The following GPC6 variants were observed in gnomAD, a reference collection of about 807,000 sequenced individuals.
GPC6 encodes the protein glypican-6.
In GPC6, 14 loss-of-function variants were observed where a neutral mutation model predicts 55.2. The ratio of observed to expected loss-of-function variants is 0.25; its 90% CI spans 0.17 to 0.40. GPC6 has a LOEUF of 0.40. Among genes scored for constraint, GPC6 ranks in the 10% least tolerant of loss-of-function variants. GPC6 has a pLI of 1.00. For missense variants in GPC6, 641 were observed against 708.5 expected (o/e 0.90, Z 1.08); for synonymous variants, 278 against 259.6 (o/e 1.07, Z -0.68).
chr13:94,020,909 A>T (rs950384873), intron 3 of GPC6, among the ~76,000 whole-genome samples: 25 of 152,178 alleles, frequency 1.6e-4, no homozygotes, highest in Non-Finnish European at 3.2e-4. Flanking sequence ...AAAATCAGAA[A>T]TATTTAACAC....
intron 1 of GPC6, among the ~76,000 whole-genome samples, chr13:93,347,457 A>C (rs936614426): frequency 6.6e-6 from 1 of 152,126 alleles, no homozygotes; most frequent in Non-Finnish European, 1.5e-5. Context: ...TTTAGCCCCA[A>C]GTCTTCAGTA....
At chr13:94,046,415 C>T (rs1300654301) in intron 4 of GPC6, among the ~76,000 whole-genome samples, 1 of 152,002 alleles carries the variant, frequency 6.6e-6, no homozygotes, top group South Asian at 2.1e-4. Context: ...TGAACTTGAG[C>T]TCACTATTGA....
At chr13:93,588,656 T>C (rs1259348132) in intron 2 of GPC6, among the ~76,000 whole-genome samples, 1 of 152,148 alleles carries the variant, frequency 6.6e-6, no homozygotes, top group African/African-American at 2.4e-5. Context: ...CTTATAATCA[T>C]GGTGGAGCAG....
At chr13:93,963,031 A>T (rs1429503711) in intron 3 of GPC6, among the ~76,000 whole-genome samples, 1 of 152,014 alleles carries the variant, frequency 6.6e-6, no homozygotes, top group East Asian at 1.9e-4. Flanking sequence ...GCATATTTTT[A>T]TGTGAAGCAT....
intron 3 of GPC6, among the ~76,000 whole-genome samples, chr13:93,900,312 A>G (rs969407726): frequency 6.6e-6 from 1 of 152,126 alleles, no homozygotes; most frequent in Non-Finnish European, 1.5e-5. Flanking sequence ...GGCCTCTTCC[A>G]TATCTAGCTG....
At chr13:93,285,390 A>G (rs893534293) in intron 1 of GPC6, among the ~76,000 whole-genome samples, 5 of 152,312 alleles carry the variant, frequency 3.3e-5, no homozygotes, top group Non-Finnish European at 7.3e-5. Flanking sequence ...CTTTACTACC[A>G]TGCCATATTA....
At chr13:93,605,851 A>C (rs1878217799) in intron 2 of GPC6, among the ~76,000 whole-genome samples, 1 of 151,614 alleles carries the variant, frequency 6.6e-6, no homozygotes, top group African/African-American at 2.4e-5. Flanking sequence ...ATAAAAAAAA[A>C]AAAAAAAAAA....
At chr13:93,458,921 T>C (rs116541389) in intron 1 of GPC6, among the ~76,000 whole-genome samples, 3,060 of 152,298 alleles carry the variant, frequency 0.02, 109 homozygotes, top group African/African-American at 0.07. Flanking sequence ...GTAAATGAAT[T>C]TGGACAGAAG....
intron 2 of GPC6, among the ~76,000 whole-genome samples, chr13:93,643,837 G>A (rs1880061558): frequency 6.6e-6 from 1 of 152,084 alleles, no homozygotes; most frequent in Non-Finnish European, 1.5e-5. Flanking sequence ...AATCCTCTGA[G>A]AGCAGGTTAG....
Position 93,227,316 on chromosome 13 carries a change from G to C in GPC6, c.-141G>C. ...CGCAGTCCAGAGGGCTGCGCTGCTC[G>C]TCCCCTCGGCTGGCAGAAGGGGGTG... On this transcript the variant is annotated 5_prime_UTR_variant, in exon 1 of 9. Coordinates refer to ENST00000377047, the MANE Select transcript of GPC6 (RefSeq NM_005708.5). This position sits in a 1 kb window ranked among gnomAD's most constrained non-coding sequence, Gnocchi z 4.3. 1.3e-6 allele frequency: 1 copy of C among 768,896 alleles called. No individual in the cohort carries two copies. 47.6% of individuals were successfully genotyped at this position (768,896 alleles called of 1,614,324 possible).
chr13:93,886,878 G>A (rs1354381458), intron 3 of GPC6, among the ~76,000 whole-genome samples: 27 of 151,426 alleles, frequency 1.8e-4, no homozygotes, highest in Non-Finnish European at 2.9e-5. Flanking sequence ...CTGAGAAGAA[G>A]AAATTCTATG....
At chr13:94,157,006 A>C (rs1179868648) in intron 4 of GPC6, among the ~76,000 whole-genome samples, 1 of 152,186 alleles carries the variant, frequency 6.6e-6, no homozygotes, top group Non-Finnish European at 1.5e-5. Flanking sequence ...ACTATGCGCG[A>C]GGAGCTGTGT....
chr13:94,147,207 T>C (rs1364472786), intron 4 of GPC6, among the ~76,000 whole-genome samples: 1 of 152,190 alleles, frequency 6.6e-6, no homozygotes, highest in Non-Finnish European at 1.5e-5. Context: ...CTTAAGTCCT[T>C]CATTTTCCTA....
intron 2 of GPC6, among the ~76,000 whole-genome samples, chr13:93,713,670 A>G (rs2138812229): frequency 6.6e-6 from 1 of 151,480 alleles, no homozygotes; most frequent in South Asian, 2.1e-4. Context: ...TGATTTAAAA[A>G]TAACTTCTAG....
chr13:93,838,474 A>G (rs1887824022), intron 3 of GPC6, among the ~76,000 whole-genome samples: 1 of 152,216 alleles, frequency 6.6e-6, no homozygotes. Flanking sequence ...GGTTGTTTGG[A>G]AATGAGGCCG....
At chr13:93,335,067 A>G (rs1481987092) in intron 1 of GPC6, among the ~76,000 whole-genome samples, 4 of 152,200 alleles carry the variant, frequency 2.6e-5, no homozygotes, top group African/African-American at 9.6e-5. Flanking sequence ...CTGTTGATGC[A>G]TCTTGAAAAT....
intron 1 of GPC6, among the ~76,000 whole-genome samples, chr13:93,378,461 CTTAATTCCTCAG>C (rs1325177928): frequency 6.6e-6 from 1 of 152,182 alleles, no homozygotes; most frequent in Non-Finnish European, 1.5e-5. Flanking sequence ...TAACACAACT[CTTAATTCCTCAG>C]TTAATTGCTC....
chr13:94,086,695 A>G (rs994036441), intron 4 of GPC6, among the ~76,000 whole-genome samples: 2 of 145,640 alleles, frequency 1.4e-5, no homozygotes, highest in African/African-American at 2.4e-5. Context: ...CTTAAGAGAC[A>G]TGATTGATTG....
chr13:93,923,067 G>A (rs1286790860), intron 3 of GPC6, among the ~76,000 whole-genome samples: 1 of 152,096 alleles, frequency 6.6e-6, no homozygotes, highest in Admixed American at 6.5e-5. Context: ...ACAAAGAAAA[G>A]ACATCATGCT....
Sources: allele counts gnomAD v4.1 joint callset (sites outside exome capture counted in the v4.1 genomes callset), GRCh38; gene constraint gnomAD v4.1.1; non-coding constraint Gnocchi (gnomAD v3.1); transcripts MANE v1.5; gene names NCBI Gene and HGNC (gene_info 2026-07-23, HGNC 2026-07-21).